ECT2: variants seen among roughly 807,000 people sequenced by gnomAD.
ECT2 encodes epithelial cell transforming 2.
ECT2 carries 61 observed loss-of-function variants against 116.9 expected under a neutral mutation model. The ratio of observed to expected loss-of-function variants is 0.52; its 90% CI spans 0.42 to 0.65. ECT2 has a LOEUF of 0.65. Ranked by LOEUF, ECT2 falls within the 30% of genes least tolerant of loss-of-function variation. The pLI is 0.00. For missense variants in ECT2, 937 were observed against 1,078.7 expected (o/e 0.87, Z 1.84); for synonymous variants, 358 against 346.4 (o/e 1.03, Z -0.37).
intron 14 of ECT2, among the ~76,000 whole-genome samples, chr3:172,781,854 A>C (rs1296435662): frequency 1.3e-5 from 2 of 152,202 alleles, no homozygotes; most frequent in Non-Finnish European, 2.9e-5. Flanking sequence ...GATTGAAAGT[A>C]GTTTTCTATA....
At position 172,773,803 on chromosome 3, in the gene ECT2, C is replaced by A. The variant is rs1042131006; in HGVS notation, c.1429-100C>A. The stretch of plus-strand genomic sequence containing the variant: ...GGGAGAGTATTTTTTATTATTACTT[C>A]CTTCTCTATTAATATCTTGTGTCTC... On this transcript the variant is annotated intron_variant, in intron 13 of 24. Transcript: ENST00000392692. The A allele has an allele frequency of 1.5e-5, 18 of 1,189,240 alleles. No homozygotes were observed. The East Asian group carries it at 4.5e-4, about 29-fold the overall frequency. 73.7% of individuals were successfully genotyped at this position (1,189,240 alleles called of 1,614,324 possible). A position where few individuals can be genotyped will look rare whatever the true frequency, so the allele number is the denominator to read the frequency against.
chr3:172,804,135 T>C (rs1727238319), intron 20 of ECT2, among the ~76,000 whole-genome samples: 1 of 152,142 alleles, frequency 6.6e-6, no homozygotes, highest in South Asian at 2.1e-4. Flanking sequence ...TCTTATATGC[T>C]TTCCTTTTGT....
At chr3:172,795,292 C>A (rs35220924) in intron 18 of ECT2, among the ~76,000 whole-genome samples, 70,568 of 145,820 alleles carry the variant, frequency 0.48, 19,242 homozygotes, top group East Asian at 0.68. Flanking sequence ...CACCACTGCA[C>A]TCCAGCCTGG....
chr3:172,813,575 A>G (rs1478986077), intron 22 of ECT2, among the ~76,000 whole-genome samples: 2 of 152,132 alleles, frequency 1.3e-5, no homozygotes, highest in Non-Finnish European at 2.9e-5. Context: ...TTATTGTGGT[A>G]GAATATACAT....
At chr3:172,790,451 A>C (rs1407438002) in intron 18 of ECT2, among the ~76,000 whole-genome samples, 3 of 152,214 alleles carry the variant, frequency 2.0e-5, no homozygotes, top group African/African-American at 7.2e-5. Context: ...TGTTTTACCT[A>C]TGAAAAGAAA....
chr3:172,810,779 G>C (rs1032858167), intron 22 of ECT2, among the ~76,000 whole-genome samples: 2 of 152,040 alleles, frequency 1.3e-5, no homozygotes, highest in Admixed American at 6.6e-5. Context: ...AAAATTTCCT[G>C]GGAATTAACA....
chr3:172,764,589 T>G, intron 12 of ECT2, 89 bp downstream of exon 12: 1 of 1,184,638 alleles, frequency 8.4e-7, no homozygotes, highest in Non-Finnish European at 1.2e-6. Context: ...ATAGTGAATA[T>G]GGAAGTCTTT....
At chr3:172,824,867 G>T (rs192116861), downstream of ECT2, among the ~76,000 whole-genome samples, 3 of 139,912 alleles carry the variant, frequency 2.1e-5, no homozygotes, top group Admixed American at 2.4e-4. Context: ...TTGTATTTCT[G>T]TTAGCATAAT....
chr3:172,789,311 C>T (rs1414172171), intron 18 of ECT2, among the ~76,000 whole-genome samples: 2 of 151,270 alleles, frequency 1.3e-5, no homozygotes, highest in Non-Finnish European at 2.9e-5. Context: ...CCTCCACCTC[C>T]TCCCACCTCA....
Position 172,756,978 on chromosome 3 carries a change from A to G in ECT2, c.304-5A>G. The G allele has an allele frequency of 6.3e-7, 1 of 1,596,548 alleles. No individual in the cohort carries two copies. The highest frequency in any genetic ancestry group is 8.5e-7 in the Non-Finnish European group (1 of 1,175,070). ...TTTTATTTCTGCTAACTATATGATG[A>G]AAAGGACATTAAAGTGGGCTTTGTA... On this transcript the variant is annotated splice_region_variant and splice_polypyrimidine_tract_variant and intron_variant, in intron 4 of 24. Transcript: ENST00000392692.
chr3:172,751,471 T>C (rs1715811356), intron 1 of ECT2, among the ~76,000 whole-genome samples: 1 of 152,162 alleles, frequency 6.6e-6, no homozygotes, highest in Admixed American at 6.5e-5. Context: ...CATCCATACA[T>C]TGAAAATAAT....
chr3:172,812,441 T>C (rs1011022626), intron 22 of ECT2, among the ~76,000 whole-genome samples: 11 of 152,222 alleles, frequency 7.2e-5, no homozygotes, highest in African/African-American at 2.7e-4. Context: ...TAATAAATTA[T>C]CACTGTTTTT....
At chr3:172,795,308 A>C (rs138472952) in intron 18 of ECT2, among the ~76,000 whole-genome samples, 2,153 of 146,052 alleles carry the variant, frequency 0.015, 29 homozygotes, top group Non-Finnish European at 0.023. Flanking sequence ...CCTGGGTGAC[A>C]GAGTGAGACG....
chr3:172,757,415 CTTTTT>C (rs34169147), intron 5 of ECT2, among the ~76,000 whole-genome samples: 1 of 120,432 alleles, frequency 8.3e-6, no homozygotes, highest in African/African-American at 3.1e-5. Context: ...ATACATAGTC[CTTTTT>C]TTTTTTTTTT....
chr3:172,812,184 G>T (rs1009459596), intron 22 of ECT2, among the ~76,000 whole-genome samples: 10 of 151,986 alleles, frequency 6.6e-5, no homozygotes, highest in Non-Finnish European at 1.2e-4. Flanking sequence ...GGGTTTCACC[G>T]TGTTGGCCAG....
chr3:172,799,797 G>A (rs907502379), intron 18 of ECT2, among the ~76,000 whole-genome samples: 2 of 152,120 alleles, frequency 1.3e-5, no homozygotes, highest in Admixed American at 6.5e-5. Context: ...TATTTTTTGT[G>A]TTATGATTTT....
chr3:172,755,434 A>C, intron 3 of ECT2, 49 bp from the exon 4 acceptor site: 2 of 1,536,992 alleles, frequency 1.3e-6, no homozygotes, highest in Non-Finnish European at 8.8e-7. Flanking sequence ...TCAGTGTGTA[A>C]ATAGTTTCAT....
At chr3:172,764,909 T>C (rs576949496) in intron 12 of ECT2, among the ~76,000 whole-genome samples, 1 of 152,196 alleles carries the variant, frequency 6.6e-6, no homozygotes, top group Non-Finnish European at 1.5e-5. Context: ...GTTCACTTTG[T>C]GCTGAACTGA....
In ECT2 at chr3:172,768,984, C is replaced by A. The variant is rs1265669574; in HGVS notation, c.1292-23C>A. Reference sequence around the variant, plus strand: ...TATTTATATTTGGCTTCCATTAAATCTTTCCACCTTTTAACGTTTCAGACA... The same window carrying A: ...TATTTATATTTGGCTTCCATTAAATATTTCCACCTTTTAACGTTTCAGACA... On this transcript the variant is annotated intron_variant, in intron 12 of 24. Coordinates refer to ENST00000392692, the MANE Select transcript of ECT2 (RefSeq NM_001258315.2). The A allele has an allele frequency of 5.7e-6, 9 of 1,567,976 alleles. No homozygotes were observed. In the South Asian group the frequency reaches 1.1e-4, roughly 19 times the overall value.
Sources: gnomAD v4.1 joint callset for allele counts (sites outside exome capture counted in the v4.1 genomes callset) on GRCh38, gnomAD v4.1.1 for gene constraint, MANE v1.5 for transcripts, NCBI Gene and HGNC (gene_info 2026-07-23, HGNC 2026-07-21) for gene names.